SRCIN1: variants seen among roughly 807,000 people sequenced by gnomAD.
The protein encoded by SRCIN1 is P130Cas-associated protein.
SRCIN1 carries 50 observed loss-of-function variants against 116.2 expected under a neutral mutation model. The observed-to-expected ratio is 0.43, with a 90% CI of 0.34 to 0.54. SRCIN1 has a LOEUF of 0.54. Ranked by LOEUF, SRCIN1 falls within the 20% of genes least tolerant of loss-of-function variation. The pLI is 0.02. For synonymous variants in SRCIN1, 736 were observed against 750.0 expected (o/e 0.98, Z 0.30); for missense variants, 1,446 against 1,672.0 (o/e 0.86, Z 2.36).
At chr17:38,565,236 G>A (rs1906605020) in intron 3 of SRCIN1, among the ~76,000 whole-genome samples, 1 of 152,202 alleles carries the variant, frequency 6.6e-6, no homozygotes, top group Non-Finnish European at 1.5e-5. Context: ...CAGGGCCACA[G>A]CCCCTGACAT....
chr17:38,557,214 C>T (rs1447033262), intron 11 of SRCIN1, among the ~76,000 whole-genome samples: 1 of 152,376 alleles, frequency 6.6e-6, no homozygotes, highest in African/African-American at 2.4e-5. Flanking sequence ...TCTCAAGGAG[C>T]CCGTCGCAAG....
chr17:38,586,956 G>A (rs1241052260), intron 1 of SRCIN1, among the ~76,000 whole-genome samples: 1 of 152,002 alleles, frequency 6.6e-6, no homozygotes, highest in Non-Finnish European at 1.5e-5. Flanking sequence ...GCTTTCCATG[G>A]GGAGAGCAGA....
intron 17 of SRCIN1, chr17:38,545,319 A>AGC (rs1418307681): frequency 6.6e-6 from 1 of 151,780 alleles, no homozygotes; most frequent in Non-Finnish European, 1.5e-5. Context: ...TCGTGCTGTC[A>AGC]GCCAGGGTCT....
chr17:38,535,209 C>CTTTTTTTT (rs71138630), intron 18 of SRCIN1, among the ~76,000 whole-genome samples: 1 of 128,932 alleles, frequency 7.8e-6, no homozygotes, highest in African/African-American at 3.0e-5. Flanking sequence ...CTTTTTCTTT[C>CTTTTTTTT]TTTTTTTTTT....
At chr17:38,560,227 T>G in intron 8 of SRCIN1, 106 bp downstream of exon 8, 1 of 1,408,924 alleles carries the variant, frequency 7.1e-7, no homozygotes, top group Non-Finnish European at 9.6e-7. Context: ...AGGGAAGGGA[T>G]TCACCCAGGG....
At chr17:38,598,336 C>G (rs916812170) in intron 1 of SRCIN1, among the ~76,000 whole-genome samples, 3 of 152,190 alleles carry the variant, frequency 2.0e-5, no homozygotes, top group African/African-American at 7.2e-5. Flanking sequence ...TGGGGTCATT[C>G]ATTCTTCCCA....
chr17:38,537,193 A>T (rs1465876029), intron 18 of SRCIN1, among the ~76,000 whole-genome samples: 1 of 150,388 alleles, frequency 6.6e-6, no homozygotes, highest in Non-Finnish European at 1.5e-5. Context: ...AAAAAATTAA[A>T]TAAATAAATA....
In SRCIN1 at chr17:38,530,228, G is replaced by GCTACACCAA. The variant is rs1465966091; in HGVS notation, c.*3060_*3068dup. The GCTACACCAA allele has an allele frequency of 2.0e-5, 3 of 152,226 alleles. No homozygotes were observed. Among genetic ancestry groups the GCTACACCAA allele is most frequent in the African/African-American group, 7.2e-5 (3 of 41,430 alleles). 9.4% of individuals were successfully genotyped at this position (152,226 alleles called of 1,614,324 possible). On this transcript the variant is annotated 3_prime_UTR_variant, in exon 19 of 19. Coordinates refer to ENST00000617146, the MANE Select transcript of SRCIN1 (RefSeq NM_025248.3). ...CAGAATATCCACAGAAGCCATCACTGCTACACCAACATGGGCCCTACAGGG... is the reference window on the plus strand; with the variant it reads ...CAGAATATCCACAGAAGCCATCACTGCTACACCAACTACACCAACATGGGCCCTACAGGG...
At position 38,556,062 on chromosome 17, in the gene SRCIN1, G is replaced by A. The variant is rs184126070; in HGVS notation, c.2201+2165C>T. On this transcript the variant is annotated intron_variant, in intron 11 of 18. Transcript: ENST00000617146. ...GGCAAGCTCTGCAAATGAGTCCCAG[G>A]CCAGCTAGTCTAGACACTGGATTAA... Among the ~76,000 whole-genome samples, 298 of 152,314 alleles carry A rather than the reference G, an allele frequency of 2.0e-3. 1 individual carries two copies. Among genetic ancestry groups the A allele is most frequent in the African/African-American group, 6.8e-3 (281 of 41,570 alleles).
chr17:38,602,986 C>T lies in SRCIN1; in HGVS notation c.22+2698G>A, dbSNP rs974168175. On this transcript the variant is annotated intron_variant, in intron 1 of 18. Coordinates refer to ENST00000617146, the MANE Select transcript of SRCIN1 (RefSeq NM_025248.3). The surrounding 1 kb of genome is among the most constrained non-coding windows in gnomAD (Gnocchi z 4.2). Reference sequence around the variant, plus strand: ...AACTGGGTACTTCAAAGAGCCCAGCCGCCTCCCTCCTAAGCACTTCCAGGG... The same window carrying T: ...AACTGGGTACTTCAAAGAGCCCAGCTGCCTCCCTCCTAAGCACTTCCAGGG... 2.6e-5 allele frequency among the ~76,000 whole-genome samples: 4 copies of T among 151,632 alleles called. No homozygotes were observed. Among genetic ancestry groups the T allele is most frequent in the African/African-American group, 4.8e-5 (2 of 41,240 alleles).
chr17:38,551,466 A>G, intron 14 of SRCIN1, 77 bp from the exon 15 acceptor site: 1 of 1,253,950 alleles, frequency 8.0e-7, no homozygotes, highest in Non-Finnish European at 1.1e-6. Context: ...CTCCTCCCCC[A>G]AGCCACGTAG....
intron 1 of SRCIN1, among the ~76,000 whole-genome samples, chr17:38,594,184 G>A (rs1168303935): frequency 7.2e-5 from 11 of 152,222 alleles, no homozygotes; most frequent in Non-Finnish European, 1.0e-4. Flanking sequence ...TAACTCACGC[G>A]AGCAAGGAGG....
Position 38,558,377 on chromosome 17 carries a change from G to A in SRCIN1, c.2051C>T (p.Ala684Val). 1.2e-6 allele frequency: 2 copies of A among 1,604,764 alleles called. No homozygotes were observed. Residue 684 changes from alanine (A) to valine (V), a missense_variant, in exon 11 of 19, where the codon GCG becomes GTG. Ala to Val is a moderately conservative substitution (Grantham distance 64). This residue lies in a region of SRCIN1 where 398 missense variants were observed against 385.6 expected (regional missense o/e 1.03). Coordinates refer to ENST00000617146, the MANE Select transcript of SRCIN1 (RefSeq NM_025248.3). This position sits in a 1 kb window ranked among gnomAD's most constrained non-coding sequence, Gnocchi z 4.6. ...CTCTGCCTCCGTGCGCTTCAGCAGC[G>A]CGCGCACCGACTCCTGGTTCTGTAG... ...LQLQNQESVR[A>V]LLKRTEAELS...
intron 1 of SRCIN1, among the ~76,000 whole-genome samples, chr17:38,595,073 C>G (rs922772358): frequency 6.6e-6 from 1 of 152,132 alleles, no homozygotes; most frequent in Non-Finnish European, 1.5e-5. Flanking sequence ...AGGACAGGCC[C>G]CCACAGCCAG....
rs1905399225 is a variant in SRCIN1 at position 38,551,400 on chromosome 17, A to G, written c.2728-11T>C. ...GTCTCGCTCTGCAGCCTTAACAGGG[A>G]GCCAGGAGTCAGGATTGAGGTAGCT... On this transcript the variant is annotated splice_polypyrimidine_tract_variant and intron_variant, in intron 14 of 18. Transcript: ENST00000617146. The G allele has an allele frequency of 3.1e-6, 5 of 1,593,092 alleles. No homozygotes were observed. The highest frequency in any genetic ancestry group is 3.4e-6 in the Non-Finnish European group (4 of 1,167,988).
rs1906380236 is a variant in SRCIN1 at position 38,562,978 on chromosome 17, A to AG, written c.741-59dup. ...CATCCCCCAGCTGTGCACAATGAGA[A>AG]GGGATGGCTACTCCAGGCCTAGAGA... is the stretch of plus-strand genomic sequence containing the variant. On this transcript the variant is annotated intron_variant, in intron 5 of 18. Transcript: ENST00000617146. This position sits in a 1 kb window ranked among gnomAD's most constrained non-coding sequence, Gnocchi z 4.2. 7 of 1,398,540 alleles carry AG rather than the reference A, an allele frequency of 5.0e-6. No individual in the cohort carries two copies. In the African/African-American group the frequency reaches 9.9e-5, roughly 20 times the overall value. The allele number at this position is 1,398,540 out of a possible 1,614,324, so 86.6% of individuals were successfully genotyped here.
chr17:38,548,520 G>C, intron 17 of SRCIN1, 37 bp downstream of exon 17: 1 of 1,604,156 alleles, frequency 6.2e-7, no homozygotes. Context: ...AAGGGGGCCT[G>C]GCTGAGACCT....
chr17:38,558,439 G>A lies in SRCIN1; in HGVS notation c.2026-37C>T, dbSNP rs774536881. ...ACGGACGGATGGACCCGGGTGGGGGGAGCGGAGCCGCGAGGCAGGGGAAGG... is the reference window on the plus strand; with the variant it reads ...ACGGACGGATGGACCCGGGTGGGGGAAGCGGAGCCGCGAGGCAGGGGAAGG... On this transcript the variant is annotated intron_variant, in intron 10 of 18. Transcript: ENST00000617146. The surrounding 1 kb of genome is among the most constrained non-coding windows in gnomAD (Gnocchi z 4.6). 5 of 1,550,512 alleles carry A rather than the reference G, an allele frequency of 3.2e-6. No individual in the cohort carries two copies. The South Asian group carries it at 3.5e-5, about 11-fold the overall frequency.
In SRCIN1 at chr17:38,563,283, G is replaced by A. The variant is rs775603933; in HGVS notation, c.740+40C>T. On this transcript the variant is annotated intron_variant, in intron 5 of 18. Coordinates refer to ENST00000617146, the MANE Select transcript of SRCIN1 (RefSeq NM_025248.3). The surrounding 1 kb of genome is among the most constrained non-coding windows in gnomAD (Gnocchi z 5.8). The stretch of plus-strand genomic sequence containing the variant: ...GTCCAGCACCCTGCAGAGGAGGAGC[G>A]TGGGGAAGCCCACCCAAATCCCCCC... 4 of 1,551,056 alleles carry A rather than the reference G, an allele frequency of 2.6e-6. No individual in the cohort carries two copies. Among genetic ancestry groups the A allele is most frequent in the Non-Finnish European group, 3.5e-6 (4 of 1,146,896 alleles).
Sources: allele counts gnomAD v4.1 joint callset (sites outside exome capture counted in the v4.1 genomes callset), GRCh38; gene constraint gnomAD v4.1.1; regional missense constraint gnomAD v4.1.1; non-coding constraint Gnocchi (gnomAD v3.1); transcripts MANE v1.5; gene names NCBI Gene and HGNC (gene_info 2026-07-23, HGNC 2026-07-21).